The following IGLL5 variants were observed in gnomAD, a reference collection of about 807,000 sequenced individuals.
The protein encoded by IGLL5 is immunoglobulin lambda-like polypeptide 5.
Under a neutral mutation model 20.9 loss-of-function variants are expected in IGLL5, and 30 were observed. The observed-to-expected ratio is 1.44, with a 90% CI of 1.07 to 1.95. The LOEUF (loss-of-function observed/expected upper bound fraction) is 1.95. Among genes scored for constraint, IGLL5 ranks in the 30% most tolerant of loss-of-function variants. IGLL5 has a pLI of 0.00. For synonymous variants in IGLL5, 203 were observed against 117.3 expected (o/e 1.73, Z -4.72); for missense variants, 475 against 270.7 (o/e 1.75, Z -5.30).
At position 22,887,939 on chromosome 22, in the gene IGLL5, G is replaced by A. The variant is rs1372850715; in HGVS notation, c.-115G>A. ...AGAGCCAGTCCAGGGAGAGGACAGA[G>A]CCAATGGACTGGGGTGTACTGTAAC... On this transcript the variant is annotated 5_prime_UTR_variant, in exon 1 of 3. Transcript: ENST00000526893. The A allele has an allele frequency of 3.6e-6, 3 of 835,392 alleles. No homozygotes were observed. Among genetic ancestry groups the A allele is most frequent in the Non-Finnish European group, 4.0e-6 (2 of 497,722 alleles). The allele number at this position is 835,392 out of a possible 1,614,324, so 51.7% of individuals were successfully genotyped here.
intron 2 of IGLL5, 66 bp downstream of exon 2, chr22:22,893,884 C>A (rs540605540): frequency 2.8e-6 from 3 of 1,083,174 alleles, no homozygotes; most frequent in Admixed American, 3.4e-5. Flanking sequence ...TCTGTTTTCT[C>A]TCTCTGGGGC....
At chr22:22,893,661 C>T (rs1281403449) in intron 1 of IGLL5, 39 bp from the exon 2 acceptor site, 4 of 1,354,766 alleles carry the variant, frequency 3.0e-6, no homozygotes, top group Admixed American at 3.8e-5. Flanking sequence ...TAGGTCCCAG[C>T]CCCGCCCACT....
chr22:22,891,735 AAAGG>A (rs1438629182), intron 1 of IGLL5, among the ~76,000 whole-genome samples: 2 of 151,366 alleles, frequency 1.3e-5, no homozygotes, highest in Non-Finnish European at 2.9e-5. Context: ...TTTTATTCAT[AAAGG>A]GTTTGTAAAT....
At chr22:22,894,189 G>A (rs375275090) in intron 2 of IGLL5, among the ~76,000 whole-genome samples, 2 of 151,512 alleles carry the variant, frequency 1.3e-5, no homozygotes, top group South Asian at 2.1e-4. Flanking sequence ...CTGCTGGGGT[G>A]GGCCTGGGAG....
chr22:22,894,348 G>C (rs541455798), intron 2 of IGLL5, among the ~76,000 whole-genome samples: 4 of 151,394 alleles, frequency 2.6e-5, no homozygotes, highest in South Asian at 2.1e-4. Flanking sequence ...CACAGAGAGG[G>C]CTCTGGGTCT....
intron 1 of IGLL5, among the ~76,000 whole-genome samples, chr22:22,888,464 A>AT (rs2067601744): frequency 6.6e-6 from 1 of 151,024 alleles, no homozygotes; most frequent in African/African-American, 2.4e-5. Context: ...TTACGATATT[A>AT]TTTTTCTTGA....
Position 22,895,929 on chromosome 22 carries a change from T to C in IGLL5, c.*235T>C. 1 of 601,056 alleles carries C rather than the reference T, an allele frequency of 1.7e-6. No individual in the cohort carries two copies. Among genetic ancestry groups the C allele is most frequent in the Non-Finnish European group, 3.0e-6 (1 of 338,788 alleles). The allele number at this position is 601,056 out of a possible 1,614,324, so 37.2% of individuals were successfully genotyped here. A position where few individuals can be genotyped will look rare whatever the true frequency, so the allele number is the denominator to read the frequency against. ...GGGAATTCTGCACCCAGTGTGAAAATCACCCAAGGGAGGAGGCTCACAGCC... is the reference window on the plus strand; with the variant it reads ...GGGAATTCTGCACCCAGTGTGAAAACCACCCAAGGGAGGAGGCTCACAGCC... On this transcript the variant is annotated 3_prime_UTR_variant, in exon 3 of 3. Coordinates refer to ENST00000526893, the MANE Select transcript of IGLL5 (RefSeq NM_001178126.2).
At chr22:22,890,903 T>C (rs2067825821) in intron 1 of IGLL5, among the ~76,000 whole-genome samples, 1 of 151,392 alleles carries the variant, frequency 6.6e-6, no homozygotes, top group Non-Finnish European at 1.5e-5. Context: ...ATTTCGTCTG[T>C]GAATTAACTG....
chr22:22,894,075 T>C (rs1601623232), intron 2 of IGLL5, among the ~76,000 whole-genome samples: 2 of 151,332 alleles, frequency 1.3e-5, no homozygotes, highest in Middle Eastern at 3.7e-3. Context: ...CCTCCTCTCT[T>C]CCAGGGCAGA....
Position 22,893,966 on chromosome 22 carries a change from T to C in IGLL5, c.325+148T>C, listed in dbSNP as rs142096728. 3.3e-5 allele frequency: 23 copies of C among 688,868 alleles called. 2 individuals are homozygous for C. The highest frequency in any genetic ancestry group is 2.5e-4 in the Middle Eastern group (1 of 3,974). 42.7% of individuals were successfully genotyped at this position (688,868 alleles called of 1,614,324 possible). The stretch of plus-strand genomic sequence containing the variant: ...CTCCATGGGGCCTGGAGGAGGTGCA[T>C]TAGTCTCCGGGTAACCGGCAGGAAG... On this transcript the variant is annotated intron_variant, in intron 2 of 2. Transcript: ENST00000526893.
intron 1 of IGLL5, among the ~76,000 whole-genome samples, chr22:22,890,194 A>G (rs2067783431): frequency 6.7e-6 from 1 of 148,806 alleles, no homozygotes; most frequent in African/African-American, 2.5e-5. Context: ...GCAGAGAAGT[A>G]TATAAAGTAA....
chr22:22,890,822 A>G (rs573897336), intron 1 of IGLL5, among the ~76,000 whole-genome samples: 1 of 151,046 alleles, frequency 6.6e-6, no homozygotes, highest in Admixed American at 6.6e-5. Context: ...AAAAAATTGA[A>G]TGTGTTTATG....
intron 1 of IGLL5, among the ~76,000 whole-genome samples, chr22:22,891,592 C>G (rs2067848663): frequency 6.6e-6 from 1 of 151,210 alleles, no homozygotes; most frequent in Non-Finnish European, 1.5e-5. Flanking sequence ...GGTAATATCA[C>G]AGAATATGGG....
chr22:22,892,157 A>G (rs138877196), intron 1 of IGLL5, among the ~76,000 whole-genome samples: 64 of 151,392 alleles, frequency 4.2e-4, no homozygotes, highest in African/African-American at 1.4e-3. Flanking sequence ...CACTGAGTTA[A>G]GAAAATTTTC....
intron 2 of IGLL5, among the ~76,000 whole-genome samples, chr22:22,894,588 A>G (rs572559331): frequency 6.6e-6 from 1 of 151,470 alleles, no homozygotes; most frequent in Non-Finnish European, 1.5e-5. Context: ...TGTTAGACTC[A>G]GGAAATGACC....
chr22:22,891,186 A>G (rs2067835510), intron 1 of IGLL5, among the ~76,000 whole-genome samples: 1 of 149,192 alleles, frequency 6.7e-6, no homozygotes, highest in African/African-American at 2.5e-5. Flanking sequence ...TTATAAACTC[A>G]TTTTTCTGTT....
intron 1 of IGLL5, among the ~76,000 whole-genome samples, chr22:22,889,162 G>T (rs529648462): frequency 6.6e-6 from 1 of 151,178 alleles, no homozygotes; most frequent in East Asian, 2.0e-4. Context: ...AGAGGAGGGA[G>T]GAGAGGGGGT....
chr22:22,893,372 C>T lies in IGLL5; in HGVS notation c.207-328C>T, dbSNP rs963463515. 5.3e-5 allele frequency among the ~76,000 whole-genome samples: 8 copies of T among 151,094 alleles called. 1 individual carries two copies. Among genetic ancestry groups the T allele is most frequent in the African/African-American group, 1.9e-4 (8 of 41,154 alleles). ...AAAGCCAGCCTGGCTTCACTGGGGA[C>T]ACTTGTGTGGGGGACTCAGAGGCCC... On this transcript the variant is annotated intron_variant, in intron 1 of 2. Transcript: ENST00000526893.
At chr22:22,888,466 T>G (rs576286117) in intron 1 of IGLL5, among the ~76,000 whole-genome samples, 7 of 151,384 alleles carry the variant, frequency 4.6e-5, no homozygotes, top group South Asian at 4.2e-4. Flanking sequence ...ACGATATTAT[T>G]TTTCTTGATT....
Sources: allele counts gnomAD v4.1 joint callset (sites outside exome capture counted in the v4.1 genomes callset), GRCh38; gene constraint gnomAD v4.1.1; transcripts MANE v1.5; gene names NCBI Gene and HGNC (gene_info 2026-07-23, HGNC 2026-07-21).